DCC: variants seen among roughly 807,000 people sequenced by gnomAD.
The protein encoded by DCC is DCC netrin 1 receptor.
DCC carries 58 observed loss-of-function variants against 172.5 expected under a neutral mutation model. The ratio of observed to expected loss-of-function variants is 0.34; its 90% confidence interval spans 0.27 to 0.42. The LOEUF is 0.42. Among genes scored for constraint, DCC ranks in the 10% least tolerant of loss-of-function variants. DCC has a pLI of 1.00. For synonymous variants in DCC, 709 were observed against 644.5 expected (o/e 1.10, Z -1.52); for missense variants, 1,740 against 1,791.0 (o/e 0.97, Z 0.51).
chr18:53,428,359 TATATA>T (rs1474930306), intron 21 of DCC, among the ~76,000 whole-genome samples: 23 of 40,322 alleles, frequency 5.7e-4, no homozygotes, highest in African/African-American at 1.5e-3. Context: ...ATATATGTTG[TATATA>T]ATATAATATT....
intron 1 of DCC, among the ~76,000 whole-genome samples, chr18:52,347,956 T>G (rs575864073): frequency 6.6e-6 from 1 of 152,274 alleles, no homozygotes; most frequent in African/African-American, 2.4e-5. Context: ...CAAATACCCA[T>G]GTACCCACTA....
intron 7 of DCC, among the ~76,000 whole-genome samples, chr18:53,115,146 A>G (rs2043391457): frequency 6.6e-6 from 1 of 151,668 alleles, no homozygotes; most frequent in African/African-American, 2.4e-5. Context: ...GGAAAAAATC[A>G]CACTCATGGA....
chr18:53,215,931 G>A (rs191883320), intron 12 of DCC, among the ~76,000 whole-genome samples: 181 of 152,310 alleles, frequency 1.2e-3, no homozygotes, highest in African/African-American at 4.0e-3. Context: ...ATATAGCAAT[G>A]ATGATGTGCT....
In DCC at chr18:53,382,102, ACACC is replaced by A. The variant is rs202131690; in HGVS notation, c.2360-3939_2360-3936del. On this transcript the variant is annotated intron_variant, in intron 15 of 28. Transcript: ENST00000442544. ...CACACACACACACACACACACACAC[ACACC>A]CCTACCTCCTAAGCACTTGAGTGTG... Among the ~76,000 whole-genome samples, 109 of 53,724 alleles carry A rather than the reference ACACC, an allele frequency of 2.0e-3. 1 individual carries two copies. Among genetic ancestry groups the A allele is most frequent in the South Asian group, 4.0e-3 (8 of 2,000 alleles). The allele number at this position is 53,724 out of a possible 152,430, so 35.2% of individuals were successfully genotyped here. A position where few individuals can be genotyped will look rare whatever the true frequency, so the allele number is the denominator to read the frequency against.
intron 1 of DCC, among the ~76,000 whole-genome samples, chr18:52,573,052 A>G (rs2033336915): frequency 6.6e-6 from 1 of 152,206 alleles, no homozygotes; most frequent in African/African-American, 2.4e-5. Flanking sequence ...ATGTAATGTG[A>G]TAGAAACACC....
intron 1 of DCC, among the ~76,000 whole-genome samples, chr18:52,447,770 CAG>C (rs1193265304): frequency 6.6e-6 from 1 of 152,004 alleles, no homozygotes; most frequent in Non-Finnish European, 1.5e-5. Flanking sequence ...AGCAGTGAGA[CAG>C]AGAGTGGGGA....
intron 7 of DCC, among the ~76,000 whole-genome samples, chr18:53,115,906 A>G (rs1430964152): frequency 6.6e-6 from 1 of 151,544 alleles, no homozygotes; most frequent in African/African-American, 2.4e-5. Context: ...TTTTTTACCA[A>G]TAATCTCGAG....
chr18:52,400,152 G>A (rs1203295727), intron 1 of DCC, among the ~76,000 whole-genome samples: 2 of 151,884 alleles, frequency 1.3e-5, no homozygotes, highest in Non-Finnish European at 2.9e-5. Flanking sequence ...AAATATGTCT[G>A]CTTTTGTTCT....
chr18:52,718,572 T>C (rs1475428554), intron 1 of DCC, among the ~76,000 whole-genome samples: 1 of 152,160 alleles, frequency 6.6e-6, no homozygotes, highest in Admixed American at 6.5e-5. Flanking sequence ...ACGTAGGTTG[T>C]TTTCCTTAAA....
intron 1 of DCC, among the ~76,000 whole-genome samples, chr18:52,614,233 C>T (rs932707922): frequency 1.3e-4 from 20 of 152,174 alleles, no homozygotes; most frequent in Middle Eastern, 3.4e-3. Flanking sequence ...CTTAGGTGGA[C>T]GAAGTGTACT....
At chr18:53,298,094 G>A (rs1467197347) in intron 12 of DCC, among the ~76,000 whole-genome samples, 1 of 152,132 alleles carries the variant, frequency 6.6e-6, no homozygotes, top group African/African-American at 2.4e-5. Context: ...ATCCTCAAAT[G>A]TGATAAAGAA....
intron 18 of DCC, among the ~76,000 whole-genome samples, chr18:53,398,632 A>G (rs1381970280): frequency 6.6e-6 from 1 of 152,166 alleles, no homozygotes; most frequent in Non-Finnish European, 1.5e-5. Flanking sequence ...GAGAAGTAGT[A>G]GTATTTTCAT....
intron 1 of DCC, among the ~76,000 whole-genome samples, chr18:52,583,258 G>A (rs566391260): frequency 1.3e-5 from 2 of 152,218 alleles, no homozygotes; most frequent in South Asian, 4.2e-4. Context: ...TGATCAATGT[G>A]CAATAAAAAC....
rs558797164 is a variant in DCC at position 53,011,890 on chromosome 18, C to T, written c.986-51415C>T. On this transcript the variant is annotated intron_variant, in intron 5 of 28. Coordinates refer to ENST00000442544, the MANE Select transcript of DCC (RefSeq NM_005215.4). ...AAGCTATAACTTTATAAATACGTTACAAAATGTGGATTGTTTTGATATAGT... is the reference window on the plus strand; with the variant it reads ...AAGCTATAACTTTATAAATACGTTATAAAATGTGGATTGTTTTGATATAGT... Among the ~76,000 whole-genome samples, 5 of 151,716 alleles carry T rather than the reference C, an allele frequency of 3.3e-5. No homozygotes were observed. The East Asian group carries it at 7.7e-4, about 23-fold the overall frequency.
intron 7 of DCC, among the ~76,000 whole-genome samples, chr18:53,138,681 C>A (rs1470170314): frequency 6.6e-6 from 1 of 152,120 alleles, no homozygotes; most frequent in Non-Finnish European, 1.5e-5. Context: ...GCCTTGTAGA[C>A]TGAAGAGAAT....
intron 5 of DCC, among the ~76,000 whole-genome samples, chr18:53,043,983 C>G (rs1599061314): frequency 1.3e-5 from 2 of 151,798 alleles, no homozygotes; most frequent in East Asian, 3.9e-4. Flanking sequence ...GAATGTATTT[C>G]CCTAGATCTA....
chr18:53,067,245 G>T (rs1211494084), intron 7 of DCC, among the ~76,000 whole-genome samples: 1 of 152,112 alleles, frequency 6.6e-6, no homozygotes, highest in African/African-American at 2.4e-5. Flanking sequence ...ATAAGTCCGG[G>T]CACAGTGGCT....
chr18:52,494,275 TG>T (rs2030652376), intron 1 of DCC, among the ~76,000 whole-genome samples: 1 of 151,346 alleles, frequency 6.6e-6, no homozygotes, highest in Non-Finnish European at 1.5e-5. Context: ...TGTGTGTGTG[TG>T]TGTGTGTGTG....
intron 1 of DCC, among the ~76,000 whole-genome samples, chr18:52,593,864 T>C (rs1465356037): frequency 1.3e-5 from 2 of 152,214 alleles, no homozygotes; most frequent in Non-Finnish European, 2.9e-5. Flanking sequence ...AAACCACTTA[T>C]CTATAGGTAG....
Sources: allele counts gnomAD v4.1 joint callset (sites outside exome capture counted in the v4.1 genomes callset), GRCh38; gene constraint gnomAD v4.1.1; transcripts MANE v1.5; gene names NCBI Gene and HGNC (gene_info 2026-07-23, HGNC 2026-07-21).